The following LRRC7 variants were observed in gnomAD, a reference collection of about 807,000 sequenced individuals.
LRRC7 encodes the protein leucine rich repeat containing 7, also known as leucine-rich repeat-containing protein 7.
A neutral mutation model predicts 175.7 loss-of-function variants in LRRC7; 23 were observed. The ratio of observed to expected loss-of-function variants is 0.13; its 90% CI spans 0.09 to 0.19. LRRC7 has a LOEUF of 0.19. Among genes scored for constraint, LRRC7 ranks in the 10% least tolerant of loss-of-function variants. LRRC7 has a pLI of 1.00. For missense variants in LRRC7, 1,354 were observed against 1,904.7 expected, an observed-to-expected ratio of 0.71 and a Z score of 5.38; for synonymous variants, 685 against 680.9, an observed-to-expected ratio of 1.01 and a Z score of -0.09.
intron 1 of LRRC7, among the ~76,000 whole-genome samples, chr1:69,610,478 T>C (rs946571093): frequency 6.6e-6 from 1 of 152,170 alleles, no homozygotes; most frequent in South Asian, 2.1e-4. Context: ...TAGCCTGAAA[T>C]TGATGACTTC....
chr1:69,726,988 G>C (rs1474473800), intron 2 of LRRC7, among the ~76,000 whole-genome samples: 1 of 152,086 alleles, frequency 6.6e-6, no homozygotes, highest in Non-Finnish European at 1.5e-5. Context: ...GAGAATTATT[G>C]GGTGGTTCTG....
intron 2 of LRRC7, among the ~76,000 whole-genome samples, chr1:69,705,161 C>T (rs1325168592): frequency 1.3e-5 from 2 of 151,990 alleles, no homozygotes; most frequent in African/African-American, 4.8e-5. Context: ...AATAAGTAAC[C>T]CCCAAAACTC....
chr1:70,094,359 C>A (rs191315216), intron 25 of LRRC7, among the ~76,000 whole-genome samples: 8 of 151,948 alleles, frequency 5.3e-5, no homozygotes, highest in Admixed American at 5.2e-4. Context: ...CTAAATGTAG[C>A]CATAGAAATG....
At chr1:70,036,730 A>G in intron 20 of LRRC7, 106 bp downstream of exon 20, 2 of 1,232,294 alleles carry the variant, frequency 1.6e-6, no homozygotes, top group South Asian at 3.0e-5. Flanking sequence ...CACAAGTGGC[A>G]TAGAAGACAG....
chr1:69,717,770 AAAAGAAAGAAAGAAAGAAAG>A (rs754971717), intron 2 of LRRC7, among the ~76,000 whole-genome samples: 961 of 42,350 alleles, frequency 0.023, 99 homozygotes, highest in Middle Eastern at 0.038. Context: ...AAAAAAGAAA[AAAAGAAAGAAAGAAAGAAAG>A]AAAGAAAGAA....
At chr1:70,047,965 G>C (rs745778582) in intron 22 of LRRC7, among the ~76,000 whole-genome samples, 2 of 151,646 alleles carry the variant, frequency 1.3e-5, no homozygotes, top group African/African-American at 4.8e-5. Flanking sequence ...ATTTTCTATT[G>C]ATTTTTTATT....
chr1:69,769,670 G>A (rs891683147), intron 3 of LRRC7, among the ~76,000 whole-genome samples: 1 of 152,082 alleles, frequency 6.6e-6, no homozygotes, highest in African/African-American at 2.4e-5. Flanking sequence ...AAAACACTCT[G>A]GTTCCAAGTA....
intron 1 of LRRC7, among the ~76,000 whole-genome samples, chr1:69,598,862 A>G (rs1418008): frequency 0.15 from 23,001 of 152,208 alleles, 1,917 homozygotes; most frequent in Admixed American, 0.19. Flanking sequence ...AAATATTTCT[A>G]CTGAACATTA....
intron 8 of LRRC7, among the ~76,000 whole-genome samples, chr1:69,959,708 A>G (rs1296051404): frequency 6.6e-6 from 1 of 152,102 alleles, no homozygotes; most frequent in Non-Finnish European, 1.5e-5. Context: ...CAGTATATAT[A>G]TGCAAAGTGC....
intron 2 of LRRC7, among the ~76,000 whole-genome samples, chr1:69,711,199 T>C (rs1415870023): frequency 1.3e-5 from 2 of 152,226 alleles, no homozygotes; most frequent in Non-Finnish European, 2.9e-5. Context: ...TTTCCTAAAA[T>C]GATAAACTGA....
chr1:69,824,992 T>TCACATTTA (rs1679739925), intron 4 of LRRC7, among the ~76,000 whole-genome samples: 1 of 152,188 alleles, frequency 6.6e-6, no homozygotes, highest in African/African-American at 2.4e-5. Context: ...CCTCTGACCC[T>TCACATTTA]CACATTTATG....
intron 7 of LRRC7, among the ~76,000 whole-genome samples, chr1:69,849,331 A>G (rs1159007431): frequency 6.6e-6 from 1 of 152,022 alleles, no homozygotes; most frequent in Non-Finnish European, 1.5e-5. Flanking sequence ...ATTATTTTGT[A>G]TTTTAATTAT....
intron 7 of LRRC7, among the ~76,000 whole-genome samples, chr1:69,906,441 G>T (rs1204221079): frequency 2.0e-5 from 3 of 152,166 alleles, no homozygotes; most frequent in Non-Finnish European, 4.4e-5. Flanking sequence ...TTTGTATAAG[G>T]TGTAAGGAAG....
Position 70,023,231 on chromosome 1 carries a change from C to G in LRRC7, c.1651C>G (p.Gln551Glu). The change falls in exon 17 of 27, where the codon CAG becomes GAG. Residue 551 changes from glutamine (Q) to glutamate (E), a missense_variant. This residue lies in a region of LRRC7 where 1,032 missense variants were observed against 1,227.2 expected (regional missense o/e 0.84). Coordinates refer to ENST00000651989, the MANE Select transcript of LRRC7 (RefSeq NM_001370785.2). The stretch of plus-strand genomic sequence containing the variant: ...CACACCATGGGCCAGGTGTGATCAG[C>G]AGATCCAAGATATGCCCGTCCCCCA... ...CCTPWARCDQ[Q>E]IQDMPVPQND... 6.2e-7 allele frequency: 1 copy of G among 1,611,962 alleles called. No homozygotes were observed. The highest frequency in any genetic ancestry group is 1.1e-5 in the South Asian group (1 of 90,698).
intron 2 of LRRC7, among the ~76,000 whole-genome samples, chr1:69,734,294 T>C (rs1667884676): frequency 6.6e-6 from 1 of 151,892 alleles, no homozygotes; most frequent in East Asian, 1.9e-4. Flanking sequence ...CATATACACA[T>C]ACCACGGACC....
intron 7 of LRRC7, among the ~76,000 whole-genome samples, chr1:69,841,860 C>T (rs1021284546): frequency 6.6e-6 from 1 of 152,072 alleles, no homozygotes; most frequent in African/African-American, 2.4e-5. Flanking sequence ...TTTTTCTCCA[C>T]AGAAAATTAT....
chr1:69,985,635 A>G (rs958528679), intron 9 of LRRC7, among the ~76,000 whole-genome samples: 7 of 152,134 alleles, frequency 4.6e-5, no homozygotes, highest in African/African-American at 1.7e-4. Flanking sequence ...CATAACTCCC[A>G]CACTCCCCAT....
chr1:69,648,901 G>T (rs10489552), intron 1 of LRRC7, among the ~76,000 whole-genome samples: 3 of 151,846 alleles, frequency 2.0e-5, no homozygotes, highest in Admixed American at 6.6e-5. Context: ...TATATTTAAA[G>T]GTATCACTAT....
At chr1:69,931,682 T>C (rs1476550840) in intron 8 of LRRC7, 112 bp downstream of exon 8, 1 of 853,026 alleles carries the variant, frequency 1.2e-6, no homozygotes. Context: ...ATTTGCTAAA[T>C]GTAAAAGTAA....
Sources: allele counts gnomAD v4.1 joint callset (sites outside exome capture counted in the v4.1 genomes callset), GRCh38; gene constraint gnomAD v4.1.1; regional missense constraint gnomAD v4.1.1; transcripts MANE v1.5; gene names NCBI Gene and HGNC (gene_info 2026-07-23, HGNC 2026-07-21).